Variants in MICU2 observed in about 807,000 individuals in gnomAD.
MICU2 encodes mitochondrial calcium uptake 2.
A neutral mutation model predicts 60.4 loss-of-function variants in MICU2; 64 were observed. The ratio of observed to expected loss-of-function variants is 1.06; its 90% confidence interval spans 0.87 to 1.31. The LOEUF (loss-of-function observed/expected upper bound fraction) is 1.31. Ranked by LOEUF, MICU2 falls within the 50% of genes most tolerant of loss-of-function variation. MICU2 has a pLI of 0.00. For missense variants in MICU2, 569 were observed against 531.0 expected, an observed-to-expected ratio of 1.07 and a Z score of -0.70; for synonymous variants, 201 against 175.0, an observed-to-expected ratio of 1.15 and a Z score of -1.17.
intron 11 of MICU2, among the ~76,000 whole-genome samples, chr13:21,494,287 T>C (rs77989388): frequency 0.016 from 2,386 of 152,272 alleles, 46 homozygotes; most frequent in African/African-American, 0.049. Context: ...TCTCTCTCTC[T>C]CTCCTTCCTT....
chr13:21,532,658 G>C (rs1400600044), intron 4 of MICU2, among the ~76,000 whole-genome samples: 1 of 152,108 alleles, frequency 6.6e-6, no homozygotes, highest in Non-Finnish European at 1.5e-5. Context: ...CAAAGTATGG[G>C]GTCATAGAAG....
At chr13:21,538,551 A>C (rs1384047331) in intron 4 of MICU2, among the ~76,000 whole-genome samples, 1 of 112,392 alleles carries the variant, frequency 8.9e-6, no homozygotes, top group African/African-American at 3.2e-5. Context: ...CAACAGAGCA[A>C]GACCCTGTCT....
chr13:21,590,444 C>A (rs1888553785), intron 1 of MICU2, among the ~76,000 whole-genome samples: 1 of 152,188 alleles, frequency 6.6e-6, no homozygotes, highest in Non-Finnish European at 1.5e-5. Context: ...CTAAAAGAAG[C>A]ACGATATCAA....
intron 6 of MICU2, among the ~76,000 whole-genome samples, chr13:21,517,445 G>T (rs1292611524): frequency 6.6e-6 from 1 of 152,126 alleles, no homozygotes; most frequent in East Asian, 1.9e-4. Context: ...GATGTGAAAA[G>T]AACTATTTGG....
intron 4 of MICU2, among the ~76,000 whole-genome samples, chr13:21,536,113 G>T (rs1375269522): frequency 6.6e-6 from 1 of 152,076 alleles, no homozygotes; most frequent in East Asian, 1.9e-4. Flanking sequence ...GGTAAAGGGT[G>T]GGGTGAAGTG....
At chr13:21,550,308 G>A (rs1887523702) in intron 2 of MICU2, among the ~76,000 whole-genome samples, 2 of 152,288 alleles carry the variant, frequency 1.3e-5, no homozygotes, top group Middle Eastern at 3.4e-3. Context: ...AGGCCAAGAC[G>A]GGAGGATCAC....
At chr13:21,513,739 CAAA>C (rs376128312) in intron 7 of MICU2, among the ~76,000 whole-genome samples, 52 of 59,104 alleles carry the variant, frequency 8.8e-4, no homozygotes, top group African/African-American at 1.6e-3. Flanking sequence ...GACTCTGTCT[CAAA>C]AAAAAAAAAA....
At chr13:21,541,270 T>C (rs892473590) in intron 2 of MICU2, among the ~76,000 whole-genome samples, 1 of 152,050 alleles carries the variant, frequency 6.6e-6, no homozygotes, top group African/African-American at 2.4e-5. Flanking sequence ...AAAATCCTTC[T>C]ACTTGAAACT....
Position 21,495,966 on chromosome 13 carries a change from G to T in MICU2, c.1042+86C>A, listed in dbSNP as rs1243740741. On this transcript the variant is annotated intron_variant, in intron 10 of 11. Coordinates refer to ENST00000382374, the MANE Select transcript of MICU2 (RefSeq NM_152726.3). ...AATCAACTATTTTTACTTATAATTT[G>T]TTCCTTGATTGGTAGCATTTAGTTG... The T allele has an allele frequency of 1.1e-5, 10 of 885,040 alleles. No individual in the cohort carries two copies. The East Asian group carries it at 2.1e-4, about 19-fold the overall frequency. The allele number at this position is 885,040 out of a possible 1,614,324, so 54.8% of individuals were successfully genotyped here.
intron 2 of MICU2, among the ~76,000 whole-genome samples, chr13:21,544,677 G>A (rs1887370528): frequency 6.6e-6 from 1 of 152,094 alleles, no homozygotes; most frequent in Admixed American, 6.5e-5. Context: ...TTTTGAGACA[G>A]GGTCTTGCTC....
intron 1 of MICU2, among the ~76,000 whole-genome samples, chr13:21,602,476 A>G (rs528901873): frequency 1.5e-4 from 23 of 152,034 alleles, no homozygotes; most frequent in Non-Finnish European, 2.9e-4. Context: ...AAGCCGAGAT[A>G]GCGCCACTGC....
chr13:21,497,589 G>A (rs552669308), intron 9 of MICU2, among the ~76,000 whole-genome samples: 2 of 151,986 alleles, frequency 1.3e-5, no homozygotes, highest in East Asian at 3.9e-4. Flanking sequence ...ATGTGCCTGT[G>A]GTCCCAGCGA....
intron 1 of MICU2, among the ~76,000 whole-genome samples, chr13:21,572,610 T>C (rs1252361804): frequency 2.0e-5 from 3 of 152,238 alleles, no homozygotes; most frequent in African/African-American, 7.2e-5. Flanking sequence ...TCCTTGTTTA[T>C]GGGAGGCTAG....
At chr13:21,539,409 A>C in intron 3 of MICU2, 32 bp from the exon 4 acceptor site, 3 of 1,586,824 alleles carry the variant, frequency 1.9e-6, no homozygotes, top group Non-Finnish European at 2.6e-6. Context: ...TTAAACTTCT[A>C]AAAGTTCATT....
intron 1 of MICU2, among the ~76,000 whole-genome samples, chr13:21,593,792 T>C (rs1888637490): frequency 6.6e-6 from 1 of 152,180 alleles, no homozygotes; most frequent in African/African-American, 2.4e-5. Context: ...AAGGATTACC[T>C]ATTTAATAAG....
intron 4 of MICU2, among the ~76,000 whole-genome samples, chr13:21,538,046 C>G (rs1284648352): frequency 6.6e-6 from 1 of 152,074 alleles, no homozygotes; most frequent in East Asian, 1.9e-4. Context: ...GAAACATGCT[C>G]ACCACCTAAA....
chr13:21,561,692 T>C (rs1168673602), intron 2 of MICU2, among the ~76,000 whole-genome samples: 1 of 18,266 alleles, frequency 5.5e-5, no homozygotes, highest in African/African-American at 4.5e-4. Flanking sequence ...GTGGGTTTCT[T>C]TTTTTTTTTT....
chr13:21,531,069 CTG>C, intron 4 of MICU2: 1 of 1,005,944 alleles, frequency 9.9e-7, no homozygotes, highest in Admixed American at 1.7e-5. Context: ...ATATCCTAAT[CTG>C]TTAAGTCAAT....
chr13:21,563,182 G>A (rs542817601), intron 2 of MICU2, among the ~76,000 whole-genome samples: 5 of 152,104 alleles, frequency 3.3e-5, no homozygotes, highest in African/African-American at 7.2e-5. Flanking sequence ...CTGGCCGGGC[G>A]TGGTGGCTCA....
Sources: allele counts gnomAD v4.1 joint callset (sites outside exome capture counted in the v4.1 genomes callset), GRCh38; gene constraint gnomAD v4.1.1; transcripts MANE v1.5; gene names NCBI Gene and HGNC (gene_info 2026-07-23, HGNC 2026-07-21).